TAFA1: variants seen among roughly 807,000 people sequenced by gnomAD.
TAFA1 encodes the protein TAFA chemokine like family member 1, also known as chemokine-like protein TAFA-1.
A neutral mutation model predicts 18.5 loss-of-function variants in TAFA1; 4 were observed. That is an observed-to-expected ratio of 0.22 (90% CI 0.11 to 0.49). The LOEUF (loss-of-function observed/expected upper bound fraction) is 0.49, where lower values mean the gene tolerates loss of function less well. Ranked by LOEUF, TAFA1 falls within the 20% of genes least tolerant of loss-of-function variation. TAFA1 has a pLI of 0.98. For missense variants in TAFA1, 147 were observed against 169.0 expected (o/e 0.87, Z 0.72); for synonymous variants, 56 against 55.2 (o/e 1.01, Z -0.06).
intron 2 of TAFA1, among the ~76,000 whole-genome samples, chr3:68,316,437 A>G (rs550954393): frequency 6.6e-6 from 1 of 152,318 alleles, no homozygotes; most frequent in East Asian, 1.9e-4. Context: ...TTAGATTTAA[A>G]TCTTCTGCAG....
chr3:68,439,441 A>ATATATATATATATATATATATG (rs1368084224), intron 3 of TAFA1, among the ~76,000 whole-genome samples: 16 of 128,700 alleles, frequency 1.2e-4, no homozygotes, highest in Non-Finnish European at 2.5e-4. Flanking sequence ...ATATATATAT[A>ATATATATATATATATATATATG]TATGAGTTTA....
chr3:68,229,338 G>A (rs1479178261), intron 2 of TAFA1, among the ~76,000 whole-genome samples: 1 of 152,118 alleles, frequency 6.6e-6, no homozygotes, highest in Non-Finnish European at 1.5e-5. Context: ...TATATGCTAG[G>A]TGAAAAAGTA....
chr3:68,264,905 A>G (rs915232946), intron 2 of TAFA1, among the ~76,000 whole-genome samples: 1 of 152,140 alleles, frequency 6.6e-6, no homozygotes, highest in Non-Finnish European at 1.5e-5. Flanking sequence ...AGTTTTTTAA[A>G]CAAATTTACA....
chr3:68,022,813 A>ATATATATATTATATATAATATATATAT (rs1704720384), intron 2 of TAFA1, among the ~76,000 whole-genome samples: 1 of 102,430 alleles, frequency 9.8e-6, no homozygotes, highest in African/African-American at 4.2e-5. Context: ...TAAGATTTAT[A>ATATATATATTATATATAATATATATAT]TATATATATT....
At chr3:68,063,307 C>G (rs1447711739) in intron 2 of TAFA1, among the ~76,000 whole-genome samples, 1 of 152,182 alleles carries the variant, frequency 6.6e-6, no homozygotes, top group African/African-American at 2.4e-5. Flanking sequence ...ACTTTCCCTT[C>G]TTGAGCTAAC....
intron 2 of TAFA1, among the ~76,000 whole-genome samples, chr3:68,292,424 CA>C (rs567559598): frequency 4.0e-4 from 56 of 141,202 alleles, no homozygotes; most frequent in South Asian, 1.6e-3. Flanking sequence ...AAAAAAAAAA[CA>C]AAAAAAAAAA....
intron 2 of TAFA1, among the ~76,000 whole-genome samples, chr3:68,386,186 C>G (rs541412468): frequency 6.6e-5 from 10 of 152,116 alleles, no homozygotes; most frequent in Admixed American, 1.3e-4. Flanking sequence ...ACGATAGATA[C>G]TGTTGTTATC....
intron 3 of TAFA1, among the ~76,000 whole-genome samples, chr3:68,453,611 T>G (rs1042010438): frequency 6.6e-6 from 1 of 152,194 alleles, no homozygotes; most frequent in African/African-American, 2.4e-5. Flanking sequence ...AATGAGAAAA[T>G]GTACAGCTAG....
chr3:68,117,250 A>G (rs1048110881), intron 2 of TAFA1, among the ~76,000 whole-genome samples: 4 of 152,178 alleles, frequency 2.6e-5, no homozygotes, highest in African/African-American at 7.2e-5. Flanking sequence ...CTAAAGTACA[A>G]TGAGATATGG....
At chr3:68,187,365 C>A (rs141052217) in intron 2 of TAFA1, among the ~76,000 whole-genome samples, 78 of 151,938 alleles carry the variant, frequency 5.1e-4, no homozygotes, top group African/African-American at 1.7e-3. Flanking sequence ...TTTCTCATGC[C>A]CCTTCTAATC....
At chr3:68,383,726 AT>A (rs1400555815) in intron 2 of TAFA1, among the ~76,000 whole-genome samples, 4 of 151,404 alleles carry the variant, frequency 2.6e-5, no homozygotes, top group African/African-American at 9.7e-5. Context: ...TCCCTCTTCA[AT>A]TTTTGAAATA....
intron 3 of TAFA1, among the ~76,000 whole-genome samples, chr3:68,532,880 AAAT>A (rs3037452): frequency 0.23 from 33,992 of 146,294 alleles, 4,162 homozygotes; most frequent in East Asian, 0.48. Flanking sequence ...TTGTAAAGCA[AAAT>A]AATAATAATA....
At chr3:68,003,676 C>A (rs1704311791), upstream of TAFA1, among the ~76,000 whole-genome samples, 2 of 152,114 alleles carry the variant, frequency 1.3e-5, no homozygotes, top group African/African-American at 4.8e-5. Flanking sequence ...TGTTTTCCCT[C>A]CCCACCCCAG....
At chr3:68,349,315 A>C (rs1003826758) in intron 2 of TAFA1, among the ~76,000 whole-genome samples, 1 of 152,016 alleles carries the variant, frequency 6.6e-6, no homozygotes, top group Non-Finnish European at 1.5e-5. Flanking sequence ...ATTGCTAAAA[A>C]ATTTGTACCA....
At chr3:68,118,072 G>T (rs180717634) in intron 2 of TAFA1, among the ~76,000 whole-genome samples, 1 of 152,044 alleles carries the variant, frequency 6.6e-6, no homozygotes, top group Admixed American at 6.6e-5. Context: ...TGATTCAAGC[G>T]CATTACATTT....
intron 2 of TAFA1, among the ~76,000 whole-genome samples, chr3:68,238,327 T>G (rs1446004894): frequency 6.6e-6 from 1 of 152,188 alleles, no homozygotes; most frequent in Non-Finnish European, 1.5e-5. Flanking sequence ...GTGGGATTTC[T>G]CAGACCTTCT....
chr3:68,293,400 GA>G (rs1406098857), intron 2 of TAFA1, among the ~76,000 whole-genome samples: 6 of 151,252 alleles, frequency 4.0e-5, no homozygotes, highest in South Asian at 2.1e-4. Flanking sequence ...AATAAAAATA[GA>G]AAAAAAAATC....
Position 68,081,457 on chromosome 3 carries a change from G to C in TAFA1, c.118+74713G>C, listed in dbSNP as rs900481080. On this transcript the variant is annotated intron_variant, in intron 2 of 4. Coordinates refer to ENST00000478136, the MANE Select transcript of TAFA1 (RefSeq NM_213609.4). ...ATCTTTGTGGTTTTATCTAGTTTTGGTCTTTGATGATGGTGATGTACAGAT... is the reference window on the plus strand; with the variant it reads ...ATCTTTGTGGTTTTATCTAGTTTTGCTCTTTGATGATGGTGATGTACAGAT... Among the ~76,000 whole-genome samples the C allele has an allele frequency of 2.0e-4, 31 of 151,584 alleles. No individual in the cohort carries two copies. The East Asian group carries it at 6.0e-3, about 30-fold the overall frequency.
intron 2 of TAFA1, among the ~76,000 whole-genome samples, chr3:68,120,169 TTCTCTTTCTTTCTTTCTTTC>T (rs1474544088): frequency 2.7e-4 from 37 of 138,254 alleles, no homozygotes; most frequent in South Asian, 2.2e-4. Flanking sequence ...TTCTCTTTCT[TTCTCTTTCTTTCTTTCTTTC>T]TTTCTTTCTT....
Sources: gnomAD v4.1 joint callset for allele counts (sites outside exome capture counted in the v4.1 genomes callset) on GRCh38, gnomAD v4.1.1 for gene constraint, MANE v1.5 for transcripts, NCBI Gene and HGNC (gene_info 2026-07-23, HGNC 2026-07-21) for gene names.